LARP1: variants seen among roughly 807,000 people sequenced by gnomAD.
The protein encoded by LARP1 is la-related protein 1.
Under a neutral mutation model 122.7 loss-of-function variants are expected in LARP1, and 36 were observed. The ratio of observed to expected loss-of-function variants is 0.29; its 90% confidence interval spans 0.22 to 0.39. The LOEUF (loss-of-function observed/expected upper bound fraction) is 0.39. Ranked by LOEUF, LARP1 falls within the 10% of genes least tolerant of loss-of-function variation. LARP1 has a pLI of 1.00. For synonymous variants in LARP1, 539 were observed against 528.7 expected, an observed-to-expected ratio of 1.02 and a Z score of -0.27; for missense variants, 1,040 against 1,403.6, an observed-to-expected ratio of 0.74 and a Z score of 4.14.
At position 154,799,651 on chromosome 5, in the gene LARP1, C is replaced by T; in HGVS notation, c.1438C>T (p.Pro480Ser). The change falls in exon 9 of 19, where the codon CCA (proline) becomes TCA (serine). Residue 480 changes from proline (P) to serine (S), a missense_variant. This residue lies in a region of LARP1 where 362 missense variants were observed against 533.1 expected (regional missense o/e 0.68). Transcript: ENST00000518297. ...TGAGAAAGTTCGTAGGAGGGAGGAACCAGAAAAGTGGCCTCTTCCCCCAAT... is the reference window on the plus strand; with the variant it reads ...TGAGAAAGTTCGTAGGAGGGAGGAATCAGAAAAGTGGCCTCTTCCCCCAAT... Reference protein sequence around the residue: ...VDEKVRRREEPEKWPLPPIVD... With the variant: ...VDEKVRRREESEKWPLPPIVD... The T allele has an allele frequency of 6.2e-7, 1 of 1,614,160 alleles. No individual in the cohort carries two copies. The highest frequency in any genetic ancestry group is 8.5e-7 in the Non-Finnish European group (1 of 1,180,018).
intron 8 of LARP1, among the ~76,000 whole-genome samples, chr5:154,796,148 T>A (rs1160637782): frequency 1.0e-4 from 12 of 119,146 alleles, no homozygotes; most frequent in Non-Finnish European, 1.5e-4. Context: ...ATTTATATAT[T>A]ATATATATAT....
At chr5:154,733,470 C>T (rs1756702188) in intron 1 of LARP1, among the ~76,000 whole-genome samples, 1 of 152,242 alleles carries the variant, frequency 6.6e-6, no homozygotes, top group Non-Finnish European at 1.5e-5. Context: ...GCTGGGATTA[C>T]AGCTATGAGC....
At chr5:154,812,509 C>A (rs1459350060) in intron 18 of LARP1, among the ~76,000 whole-genome samples, 1 of 68,254 alleles carries the variant, frequency 1.5e-5, no homozygotes, top group Non-Finnish European at 2.6e-5. Context: ...GTAAAAGCCC[C>A]CCCCCCCCAC....
chr5:154,778,654 T>A (rs1011422337), intron 1 of LARP1, among the ~76,000 whole-genome samples: 26 of 152,334 alleles, frequency 1.7e-4, no homozygotes, highest in African/African-American at 6.3e-4. Context: ...CACAGGCCTC[T>A]GAATAGAGAG....
intron 1 of LARP1, among the ~76,000 whole-genome samples, chr5:154,762,707 G>T (rs1167729388): frequency 6.6e-6 from 1 of 152,190 alleles, no homozygotes; most frequent in Non-Finnish European, 1.5e-5. Context: ...ATTCCTCCAT[G>T]ACAGGCCTTG....
chr5:154,765,914 G>A (rs17116417), intron 1 of LARP1, among the ~76,000 whole-genome samples: 12,158 of 152,274 alleles, frequency 0.08, 542 homozygotes, highest in Admixed American at 0.14. Flanking sequence ...ATAATAAAAA[G>A]TCTCTGCAAG....
At chr5:154,795,956 ATAT>A (rs1479168816) in intron 8 of LARP1, among the ~76,000 whole-genome samples, 13 of 119,032 alleles carry the variant, frequency 1.1e-4, no homozygotes, top group African/African-American at 4.3e-4. Flanking sequence ...TATATTATAT[ATAT>A]TTTTATACAT....
chr5:154,813,626 T>G (rs1056800193), intron 18 of LARP1, among the ~76,000 whole-genome samples: 5 of 152,198 alleles, frequency 3.3e-5, no homozygotes, highest in African/African-American at 9.6e-5. Context: ...TACTTTTTTG[T>G]GCTTCAGTTT....
intron 8 of LARP1, 36 bp downstream of exon 8, chr5:154,795,355 AAG>A: frequency 6.2e-7 from 1 of 1,607,098 alleles, no homozygotes; most frequent in Non-Finnish European, 8.5e-7. Flanking sequence ...ATGCAGGGGA[AAG>A]AAAGGTCCTT....
intron 1 of LARP1, among the ~76,000 whole-genome samples, chr5:154,771,116 G>GAA (rs572179099): frequency 0.025 from 2,654 of 108,002 alleles, 83 homozygotes; most frequent in African/African-American, 0.08. Context: ...TGTCTCAAAA[G>GAA]AAAAAAAAAA....
intron 1 of LARP1, among the ~76,000 whole-genome samples, chr5:154,720,042 T>G (rs1467849287): frequency 6.7e-6 from 1 of 149,988 alleles, no homozygotes; most frequent in East Asian, 2.0e-4. Flanking sequence ...AATACAAAAA[T>G]TAGCCAGGCG....
intron 1 of LARP1, among the ~76,000 whole-genome samples, chr5:154,697,452 C>G (rs1754518890): frequency 6.6e-6 from 1 of 152,172 alleles, no homozygotes; most frequent in Non-Finnish European, 1.5e-5. Context: ...CACACAAAAC[C>G]TTGTGCACAA....
intron 1 of LARP1, among the ~76,000 whole-genome samples, chr5:154,696,041 A>G (rs1754457404): frequency 6.6e-6 from 1 of 152,126 alleles, no homozygotes; most frequent in Non-Finnish European, 1.5e-5. Flanking sequence ...CAGAGTGTCC[A>G]GTACATAATA....
chr5:154,745,169 G>T (rs1264168869), intron 1 of LARP1, among the ~76,000 whole-genome samples: 1 of 151,632 alleles, frequency 6.6e-6, no homozygotes, highest in Non-Finnish European at 1.5e-5. Flanking sequence ...CTCGTGATCC[G>T]CCCGCCTCGG....
chr5:154,737,601 C>T (rs545023482), intron 1 of LARP1, among the ~76,000 whole-genome samples: 71 of 151,760 alleles, frequency 4.7e-4, no homozygotes, highest in African/African-American at 1.4e-3. Context: ...GCCACCACGC[C>T]GGCTAATTTT....
At chr5:154,771,742 A>G (rs1755444507) in intron 1 of LARP1, among the ~76,000 whole-genome samples, 1 of 152,042 alleles carries the variant, frequency 6.6e-6, no homozygotes, top group South Asian at 2.1e-4. Flanking sequence ...CCTGCTGGGG[A>G]GCTCTGGCTC....
At chr5:154,804,381 C>G in intron 14 of LARP1, 74 bp downstream of exon 14, 1 of 1,089,680 alleles carries the variant, frequency 9.2e-7, no homozygotes, top group Non-Finnish European at 1.4e-6. Flanking sequence ...ATTGACTGGA[C>G]CAAGAAGATT....
intron 1 of LARP1, among the ~76,000 whole-genome samples, chr5:154,722,963 G>A (rs1373841326): frequency 2.0e-5 from 3 of 152,298 alleles, no homozygotes; most frequent in South Asian, 2.1e-4. Flanking sequence ...TTACAGGCGT[G>A]AGCCAGCACA....
upstream of LARP1, among the ~76,000 whole-genome samples, chr5:154,752,055 C>T (rs1753529535): frequency 6.6e-6 from 1 of 152,100 alleles, no homozygotes; most frequent in African/African-American, 2.4e-5. Flanking sequence ...AGTGATCCTC[C>T]TGCTTTGGCC....
Sources: gnomAD v4.1 joint callset for allele counts (sites outside exome capture counted in the v4.1 genomes callset) on GRCh38, gnomAD v4.1.1 for gene constraint, gnomAD v4.1.1 regional missense constraint, MANE v1.5 for transcripts, NCBI Gene and HGNC (gene_info 2026-07-23, HGNC 2026-07-21) for gene names.